LPAR3: variants seen among roughly 807,000 people sequenced by gnomAD.
LPAR3 encodes LPA receptor 3.
A neutral mutation model predicts 17.8 loss-of-function variants in LPAR3; 7 were observed. The observed-to-expected ratio is 0.39, with a 90% confidence interval of 0.22 to 0.74. The LOEUF (loss-of-function observed/expected upper bound fraction) is 0.74, where lower values mean the gene tolerates loss of function less well. Among genes scored for constraint, LPAR3 ranks in the 30% least tolerant of loss-of-function variants. The pLI is 0.40. For missense variants in LPAR3, 391 were observed against 453.4 expected (o/e 0.86, Z 1.25); for synonymous variants, 179 against 179.9 (o/e 0.99, Z 0.04).
At chr1:84,823,574 G>C (rs192064351) in intron 2 of LPAR3, among the ~76,000 whole-genome samples, 14 of 152,224 alleles carry the variant, frequency 9.2e-5, no homozygotes, top group Non-Finnish European at 1.8e-4. Context: ...CAGCTTTCCA[G>C]CTTTGAAAAA....
Position 84,871,945 on chromosome 1 carries a change from C to G in LPAR3, c.-18-5807G>C, listed in dbSNP as rs1660164699. 2.0e-5 allele frequency among the ~76,000 whole-genome samples: 3 copies of G among 152,168 alleles called. No homozygotes were observed. In the South Asian group the frequency reaches 6.2e-4, roughly 32 times the overall value. ...CGCTGCTGCACTTAAGCCATTTACCCTGCTTTATTTTTCTCCACAGCATTT... is the reference window on the plus strand; with the variant it reads ...CGCTGCTGCACTTAAGCCATTTACCGTGCTTTATTTTTCTCCACAGCATTT... On this transcript the variant is annotated intron_variant, in intron 1 of 2. Transcript: ENST00000370611.
intron 1 of LPAR3, among the ~76,000 whole-genome samples, chr1:84,885,961 C>T (rs1397515092): frequency 1.3e-5 from 2 of 152,112 alleles, no homozygotes; most frequent in Non-Finnish European, 1.5e-5. Context: ...TTTTATAATA[C>T]ACAGCCTAAT....
intron 1 of LPAR3, among the ~76,000 whole-genome samples, chr1:84,866,496 C>A (rs1221959884): frequency 6.6e-6 from 1 of 152,168 alleles, no homozygotes; most frequent in East Asian, 1.9e-4. Context: ...CTCATGGAGG[C>A]ATCAACAGGG....
At chr1:84,884,416 C>T (rs1660420756) in intron 1 of LPAR3, among the ~76,000 whole-genome samples, 1 of 152,152 alleles carries the variant, frequency 6.6e-6, no homozygotes, top group Admixed American at 6.5e-5. Flanking sequence ...AAGCATTTTG[C>T]ATTTCTAACA....
intron 2 of LPAR3, among the ~76,000 whole-genome samples, chr1:84,839,527 A>G (rs1381071948): frequency 2.0e-5 from 3 of 152,094 alleles, no homozygotes; most frequent in Non-Finnish European, 4.4e-5. Context: ...AGAAACAATT[A>G]GTTGGGCATG....
At chr1:84,823,247 C>T (rs116826560) in intron 2 of LPAR3, among the ~76,000 whole-genome samples, 7 of 152,198 alleles carry the variant, frequency 4.6e-5, no homozygotes, top group African/African-American at 1.2e-4. Context: ...AATGCTCTTA[C>T]GACATTAAAG....
At chr1:84,825,839 C>T (rs1416047405) in intron 2 of LPAR3, among the ~76,000 whole-genome samples, 3 of 152,112 alleles carry the variant, frequency 2.0e-5, no homozygotes, top group East Asian at 1.9e-4. Context: ...TCTCAATCCC[C>T]GCTTACTGTG....
At position 84,880,391 on chromosome 1, in the gene LPAR3, G is replaced by A. The variant is rs573300767; in HGVS notation, c.-19+12625C>T. Among the ~76,000 whole-genome samples, 5 of 152,284 alleles carry A rather than the reference G, an allele frequency of 3.3e-5. No homozygotes were observed. In the East Asian group the frequency reaches 9.6e-4, roughly 29 times the overall value. On this transcript the variant is annotated intron_variant, in intron 1 of 2. Transcript: ENST00000370611. ...GAATGGACAGTGTCCAGAAACGGAG[G>A]GCCTTGGAGAATCAGAAAAGTCAAT...
intron 1 of LPAR3, among the ~76,000 whole-genome samples, chr1:84,878,777 G>A (rs368737884): frequency 4.8e-4 from 73 of 152,312 alleles, no homozygotes; most frequent in African/African-American, 1.6e-3. Flanking sequence ...GCATTGGCAA[G>A]TTGGCAGGAT....
chr1:84,848,200 G>T (rs1659628464), intron 2 of LPAR3, among the ~76,000 whole-genome samples: 1 of 152,208 alleles, frequency 6.6e-6, no homozygotes, highest in Non-Finnish European at 1.5e-5. Context: ...CTGTTGGAAG[G>T]GACAAGTGTT....
At chr1:84,863,202 G>C (rs1474531224) in intron 2 of LPAR3, among the ~76,000 whole-genome samples, 1 of 152,058 alleles carries the variant, frequency 6.6e-6, no homozygotes, top group Non-Finnish European at 1.5e-5. Flanking sequence ...AGCCACCCAA[G>C]TAGCTGGGAC....
At chr1:84,882,278 A>T (rs12133105) in intron 1 of LPAR3, among the ~76,000 whole-genome samples, 15,052 of 152,288 alleles carry the variant, frequency 0.099, 916 homozygotes, top group South Asian at 0.15. Context: ...AATAAACTTA[A>T]TCAGAAAGGC....
chr1:84,826,172 T>A (rs1251136889), intron 2 of LPAR3, among the ~76,000 whole-genome samples: 1 of 151,142 alleles, frequency 6.6e-6, no homozygotes, highest in African/African-American at 2.4e-5. Context: ...ACATATTATA[T>A]GTATATATAT....
chr1:84,866,751 C>G (rs1306002768), intron 1 of LPAR3, among the ~76,000 whole-genome samples: 1 of 152,178 alleles, frequency 6.6e-6, no homozygotes, highest in Non-Finnish European at 1.5e-5. Context: ...TCCTGATCCT[C>G]CTTTTGCCAT....
intron 1 of LPAR3, among the ~76,000 whole-genome samples, chr1:84,868,155 G>C (rs113141053): frequency 0.01 from 1,567 of 152,210 alleles, 30 homozygotes; most frequent in African/African-American, 0.035. Flanking sequence ...TGTCGCCCAG[G>C]CTGGAGTGCA....
At chr1:84,818,601 T>TA (rs547719942) in intron 2 of LPAR3, among the ~76,000 whole-genome samples, 4 of 151,788 alleles carry the variant, frequency 2.6e-5, no homozygotes, top group African/African-American at 9.7e-5. Flanking sequence ...CTTAAAAGAA[T>TA]AAAAAAAATA....
chr1:84,892,203 A>T (rs1660564842), intron 1 of LPAR3, among the ~76,000 whole-genome samples: 1 of 148,236 alleles, frequency 6.7e-6, no homozygotes, highest in African/African-American at 2.5e-5. Flanking sequence ...ATAGTGCGAG[A>T]CTGTGTCTCA....
intron 2 of LPAR3, among the ~76,000 whole-genome samples, chr1:84,850,793 G>A (rs1236278721): frequency 6.6e-6 from 1 of 152,252 alleles, no homozygotes; most frequent in Non-Finnish European, 1.5e-5. Flanking sequence ...CAGGAGGCCT[G>A]CATTCCAGGA....
intron 1 of LPAR3, among the ~76,000 whole-genome samples, chr1:84,872,396 A>G (rs1159348407): frequency 1.3e-5 from 2 of 152,286 alleles, no homozygotes; most frequent in African/African-American, 4.8e-5. Flanking sequence ...AGCTCACCTG[A>G]GCAGACCAGT....
Sources: gnomAD v4.1 joint callset for allele counts (sites outside exome capture counted in the v4.1 genomes callset) on GRCh38, gnomAD v4.1.1 for gene constraint, MANE v1.5 for transcripts, NCBI Gene and HGNC (gene_info 2026-07-23, HGNC 2026-07-21) for gene names.